Variants in NELL2 observed in about 807,000 individuals in gnomAD.
The protein encoded by NELL2 is protein kinase C-binding protein NELL2.
A neutral mutation model predicts 109.6 loss-of-function variants in NELL2; 41 were observed. The ratio of observed to expected loss-of-function variants is 0.37; its 90% confidence interval spans 0.29 to 0.49. The LOEUF is 0.49. Among genes scored for constraint, NELL2 ranks in the 20% least tolerant of loss-of-function variants. NELL2 has a pLI of 0.98. For missense variants in NELL2, 900 were observed against 1,008.3 expected, an observed-to-expected ratio of 0.89 and a Z score of 1.45; for synonymous variants, 355 against 344.7, an observed-to-expected ratio of 1.03 and a Z score of -0.33.
At chr12:44,674,001 T>C (rs1397012286) in intron 12 of NELL2, among the ~76,000 whole-genome samples, 5 of 152,144 alleles carry the variant, frequency 3.3e-5, no homozygotes, top group African/African-American at 1.2e-4. Context: ...TTCCAAGTAC[T>C]GCATTAGGTG....
chr12:44,541,498 A>C (rs1942569911), intron 15 of NELL2, among the ~76,000 whole-genome samples: 1 of 152,142 alleles, frequency 6.6e-6, no homozygotes. Context: ...TCTCTCCAAA[A>C]GTAAAACATA....
intron 13 of NELL2, among the ~76,000 whole-genome samples, chr12:44,623,942 C>T (rs536707900): frequency 4.2e-4 from 64 of 152,032 alleles, no homozygotes; most frequent in Admixed American, 1.2e-3. Flanking sequence ...ACAATGAGAA[C>T]ACATGGACAC....
chr12:44,586,362 A>T lies in NELL2; in HGVS notation c.1663+20807T>A, dbSNP rs570500860. 1.1e-3 allele frequency among the ~76,000 whole-genome samples: 159 copies of T among 150,942 alleles called. 1 individual carries two copies. Among genetic ancestry groups the T allele is most frequent in the African/African-American group, 3.6e-3 (147 of 41,288 alleles). ...GTATGTATGTCATACATATGTCATA[A>T]ATACGTGATTTCTTAAAAATTAAAT... On this transcript the variant is annotated intron_variant, in intron 15 of 19. Transcript: ENST00000429094.
At chr12:44,625,032 ATT>A (rs1946200606) in intron 13 of NELL2, among the ~76,000 whole-genome samples, 2 of 141,324 alleles carry the variant, frequency 1.4e-5, no homozygotes, top group East Asian at 2.1e-4. Context: ...ATATATATAT[ATT>A]TCTGAACAAG....
At position 44,781,322 on chromosome 12, in the gene NELL2, G is replaced by GA. The variant is rs570058251; in HGVS notation, c.336-1301dup. ...AAAAGAATCAGTTATCTGGAAGACA[G>GA]AAAAAAAAGCATCCAATGTGACAAA... On this transcript the variant is annotated intron_variant, in intron 3 of 19. Transcript: ENST00000429094. Among the ~76,000 whole-genome samples, 129 of 151,198 alleles carry GA rather than the reference G, an allele frequency of 8.5e-4. 1 individual carries two copies. The highest frequency in any genetic ancestry group is 2.8e-3 in the African/African-American group (117 of 41,278).
chr12:44,551,118 A>G (rs142574694), intron 15 of NELL2, among the ~76,000 whole-genome samples: 202 of 152,296 alleles, frequency 1.3e-3, no homozygotes, highest in African/African-American at 4.6e-3. Context: ...ACAAGTATAT[A>G]TGTATCCCTA....
At chr12:44,897,232 C>A (rs901326734) in intron 1 of NELL2, among the ~76,000 whole-genome samples, 1 of 151,964 alleles carries the variant, frequency 6.6e-6, no homozygotes, top group African/African-American at 2.4e-5. Context: ...TTCTCGGAAA[C>A]CACAGAAAAC....
intron 2 of NELL2, among the ~76,000 whole-genome samples, chr12:44,873,317 A>G (rs1945218669): frequency 1.3e-5 from 2 of 152,208 alleles, no homozygotes; most frequent in Admixed American, 1.3e-4. Context: ...TCTAGTTACT[A>G]TGGACAATTC....
rs1216568235 is a variant in NELL2 at position 44,779,842 on chromosome 12, C to A, written c.509+7G>T. 9 of 1,613,776 alleles carry A rather than the reference C, an allele frequency of 5.6e-6. No homozygotes were observed. The South Asian group carries it at 9.9e-5, about 18-fold the overall frequency. On this transcript the variant is annotated splice_region_variant and intron_variant, in intron 4 of 19. Transcript: ENST00000429094. Reference sequence around the variant, plus strand: ...TCCATTTCCTAAAATGAGGACACTACACTTACTTATTGCAGTCAATGTGTA... The same window carrying A: ...TCCATTTCCTAAAATGAGGACACTAAACTTACTTATTGCAGTCAATGTGTA...
At chr12:44,842,654 T>A (rs1466992995) in intron 2 of NELL2, among the ~76,000 whole-genome samples, 1 of 152,186 alleles carries the variant, frequency 6.6e-6, no homozygotes, top group Non-Finnish European at 1.5e-5. Flanking sequence ...TAAATAAGTG[T>A]TCTGGGTTAA....
chr12:44,729,951 A>G (rs920793115), intron 9 of NELL2, among the ~76,000 whole-genome samples: 1 of 152,042 alleles, frequency 6.6e-6, no homozygotes, highest in Non-Finnish European at 1.5e-5. Flanking sequence ...CCCCCACACT[A>G]ATTTTTGTAT....
intron 18 of NELL2, among the ~76,000 whole-genome samples, chr12:44,521,610 G>A (rs906350284): frequency 1.3e-5 from 2 of 151,820 alleles, no homozygotes; most frequent in Non-Finnish European, 2.9e-5. Context: ...TGACAGAAAT[G>A]GGTTAACAAA....
intron 15 of NELL2, among the ~76,000 whole-genome samples, chr12:44,570,807 G>A (rs948531674): frequency 6.6e-5 from 10 of 152,066 alleles, no homozygotes; most frequent in African/African-American, 2.4e-4. Context: ...CAAAATTATC[G>A]CCATGAATAT....
At position 44,779,913 on chromosome 12, in the gene NELL2, T is replaced by C. The variant is rs749321490; in HGVS notation, c.445A>G (p.Lys149Glu). The change falls in exon 4 of 20, where the codon AAG becomes GAG. Residue 149 changes from lysine (K) to glutamate (E), a missense_variant. By Grantham distance (56) the Lys-to-Glu change is moderately conservative. Coordinates refer to ENST00000429094, the MANE Select transcript of NELL2 (RefSeq NM_001145108.2). ...ATGGCTAAGGAGAGCTTGTGCCACT[T>C]GTCATCAGCCAAAATGTAAGGAAAC... is the stretch of plus-strand genomic sequence containing the variant. ...EVFPYILADD[K>E]WHKLSLAISA... is the part of the protein sequence containing the mutation. 2.5e-6 allele frequency: 4 copies of C among 1,613,946 alleles called. 1 individual carries two copies. The highest frequency in any genetic ancestry group is 2.2e-5 in the South Asian group (2 of 91,070).
intron 11 of NELL2, 60 bp downstream of exon 11, chr12:44,711,232 T>C (rs1038861625): frequency 1.7e-6 from 2 of 1,203,296 alleles, no homozygotes; most frequent in Admixed American, 1.7e-5. Context: ...TTCATGTCAG[T>C]TGTACTAGCC....
rs1469804250 is a variant in NELL2, at chr12:44,774,769, G to A, written c.972C>T (p.Gly324=). Residue 324 remains glycine (G), a synonymous_variant, in exon 9 of 20, where the codon GGC becomes GGT. Coordinates refer to ENST00000429094, the MANE Select transcript of NELL2 (RefSeq NM_001145108.2). ...PLKSALAYVD[G]KCCKECKSIC... ...CACATTTGCATTCCTTACAGCATTT[G>A]CCATCCACATACGCAAGAGCCGACT... 1 of 1,613,868 alleles carries A rather than the reference G, an allele frequency of 6.2e-7. No individual in the cohort carries two copies. The highest frequency in any genetic ancestry group is 2.2e-5 in the East Asian group (1 of 44,878).
At chr12:44,832,179 A>G (rs764171563) in intron 2 of NELL2, among the ~76,000 whole-genome samples, 9 of 152,214 alleles carry the variant, frequency 5.9e-5, no homozygotes, top group Non-Finnish European at 8.8e-5. Flanking sequence ...GAGCCCCAAA[A>G]TTGGCCTTTG....
chr12:44,750,657 C>T (rs1940610324), intron 9 of NELL2, among the ~76,000 whole-genome samples: 1 of 152,058 alleles, frequency 6.6e-6, no homozygotes, highest in Non-Finnish European at 1.5e-5. Context: ...GCCACTCTCC[C>T]AGGGTAATAG....
At chr12:44,590,091 T>C (rs75610404) in intron 15 of NELL2, among the ~76,000 whole-genome samples, 26,062 of 152,188 alleles carry the variant, frequency 0.17, 2,869 homozygotes, top group East Asian at 0.35. Context: ...TTTGCATATA[T>C]GCCAGCAGGC....
Sources: allele counts gnomAD v4.1 joint callset (sites outside exome capture counted in the v4.1 genomes callset), GRCh38; gene constraint gnomAD v4.1.1; transcripts MANE v1.5; gene names NCBI Gene and HGNC (gene_info 2026-07-23, HGNC 2026-07-21).